ZNF365: variants seen among roughly 807,000 people sequenced by gnomAD.
ZNF365 encodes the protein zinc finger protein 365.
ZNF365 carries 22 observed loss-of-function variants against 35.0 expected under a neutral mutation model. That is an observed-to-expected ratio of 0.63 (90% CI 0.45 to 0.90). The LOEUF (loss-of-function observed/expected upper bound fraction) is 0.90. Ranked by LOEUF, ZNF365 falls within the 40% of genes least tolerant of loss-of-function variation. ZNF365 has a pLI of 0.00. For synonymous variants in ZNF365, 188 were observed against 196.2 expected, an observed-to-expected ratio of 0.96 and a Z score of 0.35; for missense variants, 448 against 500.3, an observed-to-expected ratio of 0.90 and a Z score of 1.00.
chr10:62,451,764 T>G (rs534924138), intron 3 of ZNF365, among the ~76,000 whole-genome samples: 1 of 152,244 alleles, frequency 6.6e-6, no homozygotes, highest in Non-Finnish European at 1.5e-5. Context: ...CTGTGTCTGG[T>G]GCAGACCTGT....
At position 62,376,370 on chromosome 10, in the gene ZNF365, G is replaced by A. The variant is rs1479616360; in HGVS notation, c.177G>A (p.Leu59=). ...ACAGCTACGAAGAAAGAACCCTCTT[G>A]ACAAAATGCAGTCTCTTTCCATCCC... is the stretch of plus-strand genomic sequence containing the variant. ...FSHSYEERTL[L]TKCSLFPSLK... Residue 59 remains leucine, a synonymous_variant, in exon 2 of 5, where the codon TTG becomes TTA. Coordinates refer to ENST00000395254, the MANE Select transcript of ZNF365 (RefSeq NM_014951.3). 14 of 1,614,080 alleles carry A rather than the reference G, an allele frequency of 8.7e-6. No homozygotes were observed. Among genetic ancestry groups the A allele is most frequent in the Non-Finnish European group, 1.1e-5 (13 of 1,179,982 alleles).
In ZNF365 at chr10:62,400,097, A is replaced by G. The variant is rs1359915817; in HGVS notation, c.*308A>G. On this transcript the variant is annotated 3_prime_UTR_variant, in exon 5 of 5. Coordinates refer to ENST00000395254, the MANE Select transcript of ZNF365 (RefSeq NM_014951.3). ...CAGTAATCTTGGCATCTGGGCTTCTATGCAGTGGTCACTAATTTTCAGGAC... is the reference window on the plus strand; with the variant it reads ...CAGTAATCTTGGCATCTGGGCTTCTGTGCAGTGGTCACTAATTTTCAGGAC... 4.6e-6 allele frequency: 5 copies of G among 1,095,028 alleles called. No homozygotes were observed. Among genetic ancestry groups the G allele is most frequent in the East Asian group, 5.7e-5 (1 of 17,566 alleles). The allele number at this position is 1,095,028 out of a possible 1,614,324, so 67.8% of individuals were successfully genotyped here.
At chr10:62,443,282 ATAAT>A (rs1370904465) in intron 3 of ZNF365, among the ~76,000 whole-genome samples, 5 of 152,200 alleles carry the variant, frequency 3.3e-5, no homozygotes, top group Non-Finnish European at 7.3e-5. Context: ...TTGAAAGCAT[ATAAT>A]TAGTTATTCC....
intron 4 of ZNF365, among the ~76,000 whole-genome samples, chr10:62,466,571 A>C (rs1474043088): frequency 6.6e-6 from 1 of 152,008 alleles, no homozygotes; most frequent in Non-Finnish European, 1.5e-5. Context: ...CTGGCCATAG[A>C]GGTTTCTGGC....
chr10:62,457,169 C>A (rs1163759719), intron 3 of ZNF365, among the ~76,000 whole-genome samples: 1 of 152,168 alleles, frequency 6.6e-6, no homozygotes, highest in Non-Finnish European at 1.5e-5. Context: ...GAGTGCAAGA[C>A]CAGCTGCACA....
At chr10:62,409,410 CTT>C (rs939319398) in intron 3 of ZNF365, among the ~76,000 whole-genome samples, 1 of 152,152 alleles carries the variant, frequency 6.6e-6, no homozygotes, top group Non-Finnish European at 1.5e-5. Context: ...TTAATAAACT[CTT>C]TTCTAACGAA....
intron 3 of ZNF365, among the ~76,000 whole-genome samples, chr10:62,398,374 A>T (rs867020800): frequency 1.3e-5 from 2 of 152,226 alleles, no homozygotes; most frequent in Admixed American, 1.3e-4. Context: ...TTGTGTTCTC[A>T]CTTGCAAGTG....
In ZNF365 at chr10:62,401,060, A is replaced by G; in HGVS notation, c.*1271A>G. 1.0e-6 allele frequency: 1 copy of G among 985,548 alleles called. No individual in the cohort carries two copies. The highest frequency in any genetic ancestry group is 4.7e-5 in the South Asian group (1 of 21,286). 61.1% of individuals were successfully genotyped at this position (985,548 alleles called of 1,614,324 possible). A position where few individuals can be genotyped will look rare whatever the true frequency, so the allele number is the denominator to read the frequency against. ...TTTCCTTAAATTTAGCAATATCATC[A>G]GGTCTCTTGCAGAGTTTACAAGTGC... On this transcript the variant is annotated 3_prime_UTR_variant, in exon 5 of 5. Transcript: ENST00000395254.
chr10:62,375,159 T>C (rs1394500603), intron 1 of ZNF365, among the ~76,000 whole-genome samples: 1 of 152,174 alleles, frequency 6.6e-6, no homozygotes, highest in Non-Finnish European at 1.5e-5. Flanking sequence ...GAATAGAAGA[T>C]ATGCACTGCT....
At chr10:62,410,222 C>A (rs998589631) in intron 3 of ZNF365, among the ~76,000 whole-genome samples, 1 of 152,048 alleles carries the variant, frequency 6.6e-6, no homozygotes, top group Non-Finnish European at 1.5e-5. Context: ...TTCAAAGAAC[C>A]AATAAATTGG....
rs1840824395 is a variant in ZNF365, at chr10:62,460,159, C to T, written c.981+362C>T. Among the ~76,000 whole-genome samples the T allele has an allele frequency of 5.3e-5, 8 of 152,266 alleles. 1 individual carries two copies. The South Asian group carries it at 1.2e-3, about 24-fold the overall frequency. ...AGTGGTGATGGCATGGAGGCTGTAA[C>T]GATGGTTACAGTTCTTCTGTACATT... On this transcript the variant is annotated intron_variant, in intron 4 of 4. Coordinates refer to the ZNF365 transcript ENST00000395255.
intron 3 of ZNF365, among the ~76,000 whole-genome samples, chr10:62,390,128 G>A (rs181378645): frequency 5.1e-4 from 78 of 152,126 alleles, no homozygotes; most frequent in African/African-American, 1.6e-3. Context: ...CCTGGCTTCC[G>A]GTTTATTCTT....
chr10:62,428,209 C>T (rs1840278714), intron 3 of ZNF365, among the ~76,000 whole-genome samples: 3 of 152,128 alleles, frequency 2.0e-5, no homozygotes, highest in Non-Finnish European at 4.4e-5. Context: ...GATGTGTACT[C>T]AAAACACATG....
intron 3 of ZNF365, among the ~76,000 whole-genome samples, chr10:62,440,616 A>T (rs888651106): frequency 1.1e-4 from 17 of 152,344 alleles, no homozygotes; most frequent in African/African-American, 3.8e-4. Context: ...GATATGAGAT[A>T]GAGAATTGTA....
intron 2 of ZNF365, among the ~76,000 whole-genome samples, chr10:62,379,542 A>G (rs1303165764): frequency 1.3e-5 from 2 of 151,790 alleles, no homozygotes; most frequent in East Asian, 1.9e-4. Context: ...ATAAAGTGGG[A>G]CTGAAAGAGT....
At chr10:62,420,280 G>A (rs971420587) in intron 3 of ZNF365, among the ~76,000 whole-genome samples, 9 of 152,080 alleles carry the variant, frequency 5.9e-5, no homozygotes, top group South Asian at 2.1e-4. Context: ...AAATTAACTC[G>A]TAATAAATAT....
At chr10:62,418,136 T>G (rs1448683403) in intron 3 of ZNF365, among the ~76,000 whole-genome samples, 1 of 151,962 alleles carries the variant, frequency 6.6e-6, no homozygotes, top group Non-Finnish European at 1.5e-5. Flanking sequence ...ATATTTACTA[T>G]CAGGAATAAT....
chr10:62,423,041 AG>A (rs527306796), intron 3 of ZNF365, among the ~76,000 whole-genome samples: 33 of 152,306 alleles, frequency 2.2e-4, no homozygotes, highest in African/African-American at 7.9e-4. Flanking sequence ...GGCACCAGCT[AG>A]GGGGAGACTT....
At chr10:62,475,751 T>G (rs1040308051) in intron 4 of ZNF365, among the ~76,000 whole-genome samples, 3 of 152,186 alleles carry the variant, frequency 2.0e-5, no homozygotes, top group Non-Finnish European at 4.4e-5. Context: ...CATGGCGGGA[T>G]GAAGCCTTGT....
Sources: allele counts gnomAD v4.1 joint callset (sites outside exome capture counted in the v4.1 genomes callset), GRCh38; gene constraint gnomAD v4.1.1; transcripts MANE v1.5; gene names NCBI Gene and HGNC (gene_info 2026-07-23, HGNC 2026-07-21).